INSL6: variants seen among roughly 807,000 people sequenced by gnomAD.
INSL6 encodes insulin-like peptide INSL6.
In INSL6, 16 loss-of-function variants were observed where a neutral mutation model predicts 9.4. The ratio of observed to expected loss-of-function variants is 1.70; its 90% confidence interval spans 1.15 to 2.59. The LOEUF is 2.59. INSL6 is among the 30% of genes most tolerant of loss of function. The probability of loss-of-function intolerance (pLI) is 0.00; values close to 1 mark genes in which losing one functional copy is unlikely to be tolerated. For missense variants in INSL6, 391 were observed against 257.3 expected, an observed-to-expected ratio of 1.52 and a Z score of -3.56; for synonymous variants, 154 against 96.9, an observed-to-expected ratio of 1.59 and a Z score of -3.46.
At chr9:5,086,026 GA>G in the INSL6 span, 1 of 788,832 alleles carries the variant, frequency 1.3e-6, no homozygotes, top group Admixed American at 1.7e-5. Flanking sequence ...TATACATTTG[GA>G]CAGGCAGGTG....
the INSL6 span, among the ~76,000 whole-genome samples, chr9:5,068,233 G>T: frequency 6.6e-6 from 1 of 151,452 alleles, no homozygotes; most frequent in Non-Finnish European, 1.5e-5. Context: ...TTGACCTTGA[G>T]GTATTGGTAG....
the INSL6 span, chr9:5,070,046 G>T: frequency 6.3e-7 from 1 of 1,599,194 alleles, no homozygotes; most frequent in South Asian, 1.1e-5. Context: ...ATGAAGATTT[G>T]ATATTTGTAA....
rs565344754 is a variant in INSL6, at chr9:5,136,467, T to C, written c.377-2875A>G. 3.9e-5 allele frequency among the ~76,000 whole-genome samples: 6 copies of C among 152,218 alleles called. 1 individual carries two copies. The South Asian group carries it at 1.2e-3, about 32-fold the overall frequency. On this transcript the variant is annotated intron_variant, in intron 2 of 3. Transcript: ENST00000649639. ...CCTAGGATGCAAAGCTAGTTCAACA[T>C]ACTCAAATCAATAAACGTAATCCAT...
At chr9:5,118,031 A>G in the INSL6 span, among the ~76,000 whole-genome samples, 3 of 152,222 alleles carry the variant, frequency 2.0e-5, no homozygotes, top group Non-Finnish European at 1.5e-5. Flanking sequence ...AAAGTACTGT[A>G]AATATTGACA....
At chr9:5,182,763 A>C (rs1401604171) in intron 1 of INSL6, among the ~76,000 whole-genome samples, 5 of 152,212 alleles carry the variant, frequency 3.3e-5, no homozygotes, top group Admixed American at 2.6e-4. Flanking sequence ...TAATGATTTC[A>C]CCTGGCACTA....
At chr9:5,161,749 C>G (rs187443103), downstream of INSL6, among the ~76,000 whole-genome samples, 1 of 152,144 alleles carries the variant, frequency 6.6e-6, no homozygotes. Flanking sequence ...TTGCAGGATA[C>G]AAAATCAATA....
chr9:5,073,148 G>A, the INSL6 span, among the ~76,000 whole-genome samples: 1 of 152,170 alleles, frequency 6.6e-6, no homozygotes, highest in Non-Finnish European at 1.5e-5. Context: ...GATGTGAAAA[G>A]TTCAAGCCAA....
the INSL6 span, among the ~76,000 whole-genome samples, chr9:5,116,256 A>G: frequency 6.6e-6 from 1 of 152,196 alleles, no homozygotes; most frequent in Non-Finnish European, 1.5e-5. Context: ...TTTAAACCCA[A>G]AAAGTCTGAT....
At chr9:5,072,407 A>T in the INSL6 span, 7 of 978,516 alleles carry the variant, frequency 7.2e-6, no homozygotes, top group Non-Finnish European at 1.0e-5. Flanking sequence ...ATTTAAAAAA[A>T]TTCTTCCTCA....
chr9:5,091,137 G>A, the INSL6 span: 1 of 350,658 alleles, frequency 2.9e-6, no homozygotes, highest in Non-Finnish European at 5.1e-6. Flanking sequence ...TATTTATAGG[G>A]ATTGTAGGTT....
the INSL6 span, chr9:5,111,818 T>A: frequency 2.4e-6 from 1 of 418,092 alleles, no homozygotes; most frequent in East Asian, 6.6e-5. Context: ...GTAGGCGGCG[T>A]CTCCAGCCAC....
chr9:5,164,149 T>C lies in INSL6; in HGVS notation c.406A>G (p.Asn136Asp). The part of the protein sequence containing the change: ...GKTREFSSSH[N>D]INVYIHENAK... The stretch of plus-strand genomic sequence containing the variant: ...TTCTCATGAATATATACATTGATAT[T>C]ATGTGATGAAGAAAATTCTCTTGTC... The change falls in exon 2 of 2, where the codon AAT (asparagine) becomes GAT (aspartate). Residue 136 changes from asparagine (N) to aspartate (D), a missense_variant. Asn to Asp is a conservative substitution (Grantham distance 23). Transcript: ENST00000381641. The C allele has an allele frequency of 6.2e-7, 1 of 1,608,400 alleles. No individual in the cohort carries two copies.
At chr9:5,181,416 A>G (rs2130922803) in intron 1 of INSL6, among the ~76,000 whole-genome samples, 1 of 152,294 alleles carries the variant, frequency 6.6e-6, no homozygotes, top group Non-Finnish European at 1.5e-5. Flanking sequence ...ATAATTGATT[A>G]GTAGAAAGTG....
At chr9:5,049,150 G>C in the INSL6 span, among the ~76,000 whole-genome samples, 1 of 151,662 alleles carries the variant, frequency 6.6e-6, no homozygotes, top group Admixed American at 6.6e-5. Flanking sequence ...TTATTATTTC[G>C]TATCTGAGCC....
the INSL6 span, among the ~76,000 whole-genome samples, chr9:4,995,291 T>C: frequency 4.7e-3 from 719 of 152,314 alleles, 6 homozygotes; most frequent in African/African-American, 0.016. Context: ...GCGAAATGAG[T>C]TGTTTTCCCT....
chr9:5,111,684 G>A, the INSL6 span: 1 of 425,382 alleles, frequency 2.4e-6, no homozygotes, highest in Non-Finnish European at 4.7e-6. Flanking sequence ...GTGGGCAGTG[G>A]CGGAGGCAGC....
chr9:5,096,273 G>C, the INSL6 span, among the ~76,000 whole-genome samples: 1 of 151,944 alleles, frequency 6.6e-6, no homozygotes, highest in Non-Finnish European at 1.5e-5. Flanking sequence ...AGAAATTTAG[G>C]TTAAATAAGA....
At position 5,185,371 on chromosome 9, in the gene INSL6, A is replaced by T. The variant is rs747940213; in HGVS notation, c.232T>A (p.Tyr78Asn). 18 of 1,613,932 alleles carry T rather than the reference A, an allele frequency of 1.1e-5. No individual in the cohort carries two copies. In the East Asian group the frequency reaches 3.8e-4, roughly 34 times the overall value. The part of the protein sequence containing the change: ...ASEKVEAYSP[Y>N]QFESPQTASP... ...GCGGTTTGCGGGCTTTCGAACTGGT[A>T]TGGGCTGTAGGCTTCGACCTTCTCC... The change falls in exon 1 of 2, where the codon TAC becomes AAC. Residue 78 changes from tyrosine to asparagine, a missense_variant. Tyr to Asn is a moderately radical substitution (Grantham distance 143). Transcript: ENST00000381641.
chr9:5,076,615 A>C, the INSL6 span, among the ~76,000 whole-genome samples: 1 of 152,200 alleles, frequency 6.6e-6, no homozygotes, highest in African/African-American at 2.4e-5. Flanking sequence ...GATACCAAGA[A>C]ATTCATGACT....
Sources: gnomAD v4.1 joint callset for allele counts (sites outside exome capture counted in the v4.1 genomes callset) on GRCh38, gnomAD v4.1.1 for gene constraint, MANE v1.5 for transcripts, NCBI Gene and HGNC (gene_info 2026-07-23, HGNC 2026-07-21) for gene names.